GRID2: variants seen among roughly 807,000 people sequenced by gnomAD.
GRID2 encodes the protein glutamate ionotropic receptor delta type subunit 2.
In GRID2, 33 loss-of-function variants were observed where a neutral mutation model predicts 114.8. The ratio of observed to expected loss-of-function variants is 0.29; its 90% CI spans 0.22 to 0.38. GRID2 has a LOEUF of 0.38. Among genes scored for constraint, GRID2 ranks in the 10% least tolerant of loss-of-function variants. The pLI is 1.00. For synonymous variants in GRID2, 505 were observed against 449.9 expected (o/e 1.12, Z -1.55); for missense variants, 1,184 against 1,257.7 (o/e 0.94, Z 0.89).
At chr4:92,548,681 C>T (rs899683562) in intron 1 of GRID2, among the ~76,000 whole-genome samples, 8 of 151,786 alleles carry the variant, frequency 5.3e-5, no homozygotes, top group East Asian at 1.9e-4. Flanking sequence ...GGAGTGGCCA[C>T]GACGCCTGGC....
At chr4:93,404,588 G>A (rs900981895) in intron 9 of GRID2, among the ~76,000 whole-genome samples, 2 of 152,050 alleles carry the variant, frequency 1.3e-5, no homozygotes, top group Non-Finnish European at 2.9e-5. Flanking sequence ...CAAATAACTA[G>A]TACATGCAAA....
chr4:93,634,315 T>G (rs931091885), intron 14 of GRID2, among the ~76,000 whole-genome samples: 4 of 152,012 alleles, frequency 2.6e-5, no homozygotes, highest in Admixed American at 1.3e-4. Context: ...GAGATTCACA[T>G]AAATAAAAAC....
intron 1 of GRID2, among the ~76,000 whole-genome samples, chr4:93,788,200 C>T (rs1734630274): frequency 6.6e-6 from 1 of 151,978 alleles, no homozygotes; most frequent in Non-Finnish European, 1.5e-5. Context: ...CACCTGTAAT[C>T]CCAGCTACTC....
intron 10 of GRID2, among the ~76,000 whole-genome samples, chr4:93,428,109 G>A (rs1385429304): frequency 6.6e-6 from 1 of 152,032 alleles, no homozygotes; most frequent in Non-Finnish European, 1.5e-5. Flanking sequence ...TTCTTTGGCT[G>A]GCTTTCAAGT....
intron 8 of GRID2, among the ~76,000 whole-genome samples, chr4:93,243,496 T>C (rs2149519603): frequency 1.3e-5 from 2 of 152,170 alleles, no homozygotes; most frequent in East Asian, 3.9e-4. Flanking sequence ...TCAGTGTTTA[T>C]TCTGCTGCCA....
At chr4:92,825,431 T>G (rs895802993) in intron 2 of GRID2, among the ~76,000 whole-genome samples, 1 of 152,162 alleles carries the variant, frequency 6.6e-6, no homozygotes, top group African/African-American at 2.4e-5. Context: ...ACAAACATGC[T>G]GAGACATTGA....
At chr4:93,211,155 T>C (rs1407029910) in intron 5 of GRID2, among the ~76,000 whole-genome samples, 3 of 151,998 alleles carry the variant, frequency 2.0e-5, no homozygotes, top group African/African-American at 7.2e-5. Flanking sequence ...CTTCCACAAG[T>C]ATACCTGAAC....
chr4:93,194,791 C>T (rs1741319850), intron 4 of GRID2, among the ~76,000 whole-genome samples: 1 of 152,144 alleles, frequency 6.6e-6, no homozygotes, highest in South Asian at 2.1e-4. Context: ...AATATTGCAT[C>T]AACTGAGAAC....
At chr4:93,716,230 A>G (rs917505431) in intron 14 of GRID2, among the ~76,000 whole-genome samples, 1 of 152,184 alleles carries the variant, frequency 6.6e-6, no homozygotes, top group African/African-American at 2.4e-5. Context: ...ACATATGCAC[A>G]TACACACATG....
chr4:92,850,266 A>G (rs1318350068), intron 2 of GRID2, among the ~76,000 whole-genome samples: 2 of 151,644 alleles, frequency 1.3e-5, no homozygotes, highest in Non-Finnish European at 3.0e-5. Context: ...GAAATAAAAT[A>G]TTTTCATAAT....
In GRID2 at chr4:92,440,301, A is replaced by G. The variant is rs1196957827; in HGVS notation, c.88+135557A>G. On this transcript the variant is annotated intron_variant, in intron 1 of 15. Transcript: ENST00000282020. The stretch of plus-strand genomic sequence containing the variant: ...TTTGACTAATAAAGGCTGGTCTATT[A>G]TCAGACTGTATTGAGGTGGGAAGGC... Among the ~76,000 whole-genome samples, 6 of 146,230 alleles carry G rather than the reference A, an allele frequency of 4.1e-5. 1 individual carries two copies. Among genetic ancestry groups the G allele is most frequent in the African/African-American group, 1.5e-4 (6 of 40,966 alleles).
At chr4:92,344,422 T>G (rs1579211781) in intron 1 of GRID2, among the ~76,000 whole-genome samples, 1 of 152,316 alleles carries the variant, frequency 6.6e-6, no homozygotes, top group African/African-American at 2.4e-5. Flanking sequence ...TTCCCTTTAT[T>G]ACCTAACATT....
rs149941536 is a variant in GRID2 at position 92,413,182 on chromosome 4, C to T, written c.88+108438C>T. ...CATTAAACAATTTTTCATCCCTCATCCCCTCCCATCCTTAGTGAGTTTCTT... is the reference window on the plus strand; with the variant it reads ...CATTAAACAATTTTTCATCCCTCATTCCCTCCCATCCTTAGTGAGTTTCTT... On this transcript the variant is annotated intron_variant, in intron 1 of 15. Transcript: ENST00000282020. Among the ~76,000 whole-genome samples, 493 of 152,268 alleles carry T rather than the reference C, an allele frequency of 3.2e-3. 4 individuals carry two copies. The highest frequency in any genetic ancestry group is 0.011 in the African/African-American group (445 of 41,558).
intron 11 of GRID2, among the ~76,000 whole-genome samples, chr4:93,473,689 G>C (rs1725053145): frequency 6.6e-6 from 1 of 152,018 alleles, no homozygotes; most frequent in Non-Finnish European, 1.5e-5. Flanking sequence ...TGTTTATAAA[G>C]GTATAAAATA....
At chr4:92,909,269 T>A (rs1032823563) in intron 2 of GRID2, among the ~76,000 whole-genome samples, 3 of 146,690 alleles carry the variant, frequency 2.0e-5, no homozygotes, top group African/African-American at 7.7e-5. Flanking sequence ...TTTTTCTTTT[T>A]TTTTTTCAAG....
intron 4 of GRID2, chr4:93,164,880 C>T (rs1738099499): frequency 3.8e-6 from 1 of 265,424 alleles, no homozygotes; most frequent in Non-Finnish European, 8.1e-6. Flanking sequence ...CTGATATTGA[C>T]GTGTTAAGGA....
chr4:93,380,161 G>A (rs1763721287), intron 8 of GRID2, among the ~76,000 whole-genome samples: 1 of 152,022 alleles, frequency 6.6e-6, no homozygotes, highest in Admixed American at 6.6e-5. Context: ...ATCTGAGTGG[G>A]CTCCAAATCT....
intron 12 of GRID2, among the ~76,000 whole-genome samples, chr4:93,508,278 A>G (rs1578151786): frequency 1.3e-5 from 2 of 150,578 alleles, no homozygotes; most frequent in Admixed American, 1.3e-4. Flanking sequence ...GCTCACTGCA[A>G]CCTCTGCCTC....
intron 8 of GRID2, among the ~76,000 whole-genome samples, chr4:93,254,623 T>G (rs572121161): frequency 6.6e-6 from 1 of 152,244 alleles, no homozygotes; most frequent in African/African-American, 2.4e-5. Flanking sequence ...CAAAATGAGA[T>G]GAGAAATCTA....
Sources: allele counts gnomAD v4.1 joint callset (sites outside exome capture counted in the v4.1 genomes callset), GRCh38; gene constraint gnomAD v4.1.1; transcripts MANE v1.5; gene names NCBI Gene and HGNC (gene_info 2026-07-23, HGNC 2026-07-21).